Variants in NHSL2 observed in about 807,000 individuals in gnomAD.
NHSL2 encodes NHS-like protein 2.
Under a neutral mutation model 53.4 loss-of-function variants are expected in NHSL2, and 27 were observed. That is an observed-to-expected ratio of 0.51 (90% CI 0.37 to 0.70). The LOEUF is 0.70. NHSL2 is among the 30% of genes least tolerant of loss of function. NHSL2 has a pLI of 0.00. For missense variants in NHSL2, 892 were observed against 980.1 expected (o/e 0.91, Z 1.20); for synonymous variants, 408 against 404.1 (o/e 1.01, Z -0.12).
At chrX:72,133,361 CTG>C (rs2042324991) in intron 2 of NHSL2, among the ~76,000 whole-genome samples, 1 of 112,323 alleles carries the variant, frequency 8.9e-6, no homozygotes, top group East Asian at 2.8e-4. Flanking sequence ...CCCCAAATCT[CTG>C]TGATTCTGAG....
At chrX:72,105,869 G>A (rs766582383) in intron 1 of NHSL2, among the ~76,000 whole-genome samples, 2 of 112,379 alleles carry the variant, frequency 1.8e-5, no homozygotes, top group African/African-American at 6.5e-5. Context: ...AACTGACTAC[G>A]TGTAATTTCC....
intron 1 of NHSL2, among the ~76,000 whole-genome samples, chrX:72,029,354 G>A (rs750961943): frequency 3.6e-5 from 4 of 111,788 alleles, no homozygotes; most frequent in Admixed American, 2.8e-4. Context: ...TGGCCTGCTC[G>A]GGGCTGCCAC....
intron 1 of NHSL2, among the ~76,000 whole-genome samples, chrX:72,096,071 C>T (rs887118602): frequency 6.4e-5 from 7 of 108,887 alleles, no homozygotes; most frequent in Non-Finnish European, 1.1e-4. Context: ...ATCTCCTCAT[C>T]CGAGGTCCAA....
intron 1 of NHSL2, among the ~76,000 whole-genome samples, chrX:72,113,425 AG>A (rs1322060752): frequency 3.6e-5 from 4 of 111,770 alleles, no homozygotes; most frequent in Non-Finnish European, 3.8e-5. Context: ...GGATGGCACC[AG>A]GTTCAAGAGG....
intron 1 of NHSL2, among the ~76,000 whole-genome samples, chrX:72,032,099 A>T (rs1323470463): frequency 4.3e-4 from 48 of 111,194 alleles, no homozygotes; most frequent in South Asian, 3.8e-3. Flanking sequence ...TAAAAAAAAA[A>T]AAAAAAAATA....
intron 1 of NHSL2, among the ~76,000 whole-genome samples, chrX:71,992,631 C>A (rs1485098331): frequency 8.9e-6 from 1 of 112,424 alleles, no homozygotes; most frequent in African/African-American, 3.2e-5. Context: ...CCTGGAGAAG[C>A]AATTTTAGGG....
At position 72,037,618 on chromosome X, in the gene NHSL2, G is replaced by T. The variant is rs1303293014; in HGVS notation, c.281-94461G>T. Among the ~76,000 whole-genome samples the T allele has an allele frequency of 2.7e-5, 3 of 111,526 alleles. 1 individual carries two copies. Among genetic ancestry groups the T allele is most frequent in the South Asian group, 7.6e-4 (2 of 2,640 alleles). On this transcript the variant is annotated intron_variant, in intron 1 of 7. Transcript: ENST00000633930. ...AATGTACTTACCCAGGACTGATGCT[G>T]GTAGGTGGGGGTGGAAGATACCAGG...
chrX:72,112,943 G>A (rs1328805193), intron 1 of NHSL2, among the ~76,000 whole-genome samples: 4 of 111,453 alleles, frequency 3.6e-5, no homozygotes, highest in Non-Finnish European at 5.7e-5. Context: ...TCCCACCTCA[G>A]CCTCCCAAAG....
At chrX:72,135,372 C>G (rs756236237) in intron 4 of NHSL2, among the ~76,000 whole-genome samples, 1 of 97,945 alleles carries the variant, frequency 1.0e-5, no homozygotes, top group Non-Finnish European at 2.1e-5. Flanking sequence ...CACACTATAC[C>G]ATGCTCACTA....
At chrX:72,107,644 A>C (rs1453092361) in intron 1 of NHSL2, among the ~76,000 whole-genome samples, 1 of 112,159 alleles carries the variant, frequency 8.9e-6, no homozygotes, top group Non-Finnish European at 1.9e-5. Context: ...GACAGAAGAC[A>C]GAGTCCCGGG....
At chrX:71,946,974 A>G (rs1430069891) in intron 1 of NHSL2, among the ~76,000 whole-genome samples, 2 of 112,286 alleles carry the variant, frequency 1.8e-5, no homozygotes, top group African/African-American at 6.5e-5. Context: ...CTGGTTCACC[A>G]TTGGCCAGTG....
chrX:72,063,022 C>T (rs2042407464), intron 1 of NHSL2, among the ~76,000 whole-genome samples: 1 of 111,692 alleles, frequency 9.0e-6, no homozygotes. Flanking sequence ...GTCATAGAGC[C>T]TCCCGCCAGC....
chrX:72,021,503 A>G (rs1399567942), intron 1 of NHSL2, among the ~76,000 whole-genome samples: 1 of 111,868 alleles, frequency 8.9e-6, no homozygotes, highest in Non-Finnish European at 1.9e-5. Flanking sequence ...CTCTGAATCT[A>G]TACTGGGGTA....
At chrX:72,027,476 A>C (rs2042191680) in intron 1 of NHSL2, 1 of 110,984 alleles carries the variant, frequency 9.0e-6, no homozygotes, top group East Asian at 2.8e-4. Context: ...ATCTGGATTG[A>C]GTTTAGGAAG....
At chrX:72,033,498 C>T (rs1483777930) in intron 1 of NHSL2, among the ~76,000 whole-genome samples, 3 of 112,203 alleles carry the variant, frequency 2.7e-5, no homozygotes, top group Non-Finnish European at 1.9e-5. Context: ...GAATTGACAT[C>T]TTTACTACGT....
chrX:71,993,281 C>A (rs1415427881), intron 1 of NHSL2, among the ~76,000 whole-genome samples: 1 of 112,606 alleles, frequency 8.9e-6, no homozygotes, highest in Non-Finnish European at 1.9e-5. Context: ...GGTTGAAGAC[C>A]CATACCTGAG....
intron 1 of NHSL2, among the ~76,000 whole-genome samples, chrX:72,020,117 A>T (rs953743541): frequency 3.0e-4 from 34 of 112,843 alleles, no homozygotes; most frequent in African/African-American, 1.0e-3. Context: ...TTATTTACAG[A>T]TTTTTACACT....
intron 1 of NHSL2, among the ~76,000 whole-genome samples, chrX:71,996,792 G>T (rs1409744751): frequency 8.9e-6 from 1 of 111,823 alleles, no homozygotes. Context: ...CAGGCAGAAA[G>T]GATGCTTCGT....
At chrX:71,947,888 C>T (rs899287770) in intron 1 of NHSL2, among the ~76,000 whole-genome samples, 11 of 111,212 alleles carry the variant, frequency 9.9e-5, no homozygotes, top group South Asian at 3.8e-4. Context: ...TTTGGGGATT[C>T]GGAGGAAAGG....
Sources: gnomAD v4.1 joint callset for allele counts (sites outside exome capture counted in the v4.1 genomes callset) on GRCh38, gnomAD v4.1.1 for gene constraint, MANE v1.5 for transcripts, NCBI Gene and HGNC (gene_info 2026-07-23, HGNC 2026-07-21) for gene names.